Variants in NLGN1 observed in about 807,000 individuals in gnomAD.
The protein encoded by NLGN1 is neuroligin-1.
NLGN1 carries 12 observed loss-of-function variants against 65.5 expected under a neutral mutation model. The observed-to-expected ratio is 0.18, with a 90% CI of 0.12 to 0.30. NLGN1 has a LOEUF of 0.30. Among genes scored for constraint, NLGN1 ranks in the 10% least tolerant of loss-of-function variants. NLGN1 has a pLI of 1.00. For missense variants in NLGN1, 750 were observed against 1,007.1 expected, an observed-to-expected ratio of 0.74 and a Z score of 3.46; for synonymous variants, 350 against 359.5, an observed-to-expected ratio of 0.97 and a Z score of 0.30.
intron 4 of NLGN1, among the ~76,000 whole-genome samples, chr3:174,233,745 T>C (rs2152820724): frequency 6.6e-6 from 1 of 152,128 alleles, no homozygotes; most frequent in South Asian, 2.1e-4. Context: ...CTTTTTTGGG[T>C]CAAAGAATTG....
chr3:173,964,478 A>T (rs189627432), intron 4 of NLGN1, among the ~76,000 whole-genome samples: 269 of 152,288 alleles, frequency 1.8e-3, no homozygotes, highest in Non-Finnish European at 2.6e-3. Flanking sequence ...CTGATTTGTA[A>T]TTCAATGTTC....
At chr3:173,784,718 G>C (rs1260720746) in intron 3 of NLGN1, among the ~76,000 whole-genome samples, 1 of 151,562 alleles carries the variant, frequency 6.6e-6, no homozygotes, top group Non-Finnish European at 1.5e-5. Context: ...CAGGCACACA[G>C]AGGGATCACA....
intron 3 of NLGN1, among the ~76,000 whole-genome samples, chr3:173,667,788 C>A (rs2149718741): frequency 6.6e-6 from 1 of 152,188 alleles, no homozygotes; most frequent in African/African-American, 2.4e-5. Context: ...CACCACCACG[C>A]CTGGCTCACT....
chr3:173,568,956 C>T (rs879644002), intron 2 of NLGN1, among the ~76,000 whole-genome samples: 1 of 152,132 alleles, frequency 6.6e-6, no homozygotes, highest in Admixed American at 6.5e-5. Context: ...GGGATATAGG[C>T]GTGAATCACC....
At chr3:173,505,909 T>G (rs1731957216) in intron 2 of NLGN1, among the ~76,000 whole-genome samples, 1 of 152,134 alleles carries the variant, frequency 6.6e-6, no homozygotes, top group Non-Finnish European at 1.5e-5. Flanking sequence ...AATAATAATT[T>G]GCCTGTTACA....
chr3:174,102,025 A>T (rs1346469992), intron 4 of NLGN1, among the ~76,000 whole-genome samples: 1 of 152,206 alleles, frequency 6.6e-6, no homozygotes, highest in Non-Finnish European at 1.5e-5. Context: ...CCACATTTTC[A>T]TCAAATAATA....
At chr3:173,410,569 T>C (rs1348581382) in intron 1 of NLGN1, among the ~76,000 whole-genome samples, 2 of 152,178 alleles carry the variant, frequency 1.3e-5, no homozygotes, top group African/African-American at 4.8e-5. Context: ...GGATAAAGCA[T>C]TTAGAAATGG....
At chr3:174,273,147 T>C (rs975224323) in intron 4 of NLGN1, among the ~76,000 whole-genome samples, 3 of 151,682 alleles carry the variant, frequency 2.0e-5, no homozygotes, top group Admixed American at 6.6e-5. Context: ...ATGCTACACA[T>C]TGAATGATGA....
intron 3 of NLGN1, among the ~76,000 whole-genome samples, chr3:173,765,357 A>C (rs1778618876): frequency 6.6e-6 from 1 of 152,186 alleles, no homozygotes; most frequent in Admixed American, 6.5e-5. Context: ...CTGTTTCTGC[A>C]CTGTGGCCTA....
At chr3:173,923,875 A>G (rs1435298737) in intron 4 of NLGN1, among the ~76,000 whole-genome samples, 1 of 152,214 alleles carries the variant, frequency 6.6e-6, no homozygotes, top group Admixed American at 6.5e-5. Flanking sequence ...ATAGATATCT[A>G]CATGATTTTT....
At chr3:173,505,195 T>A (rs1046325707) in intron 2 of NLGN1, among the ~76,000 whole-genome samples, 1 of 152,068 alleles carries the variant, frequency 6.6e-6, no homozygotes, top group East Asian at 1.9e-4. Flanking sequence ...TTCATCTTCT[T>A]TATTAAGACA....
intron 4 of NLGN1, among the ~76,000 whole-genome samples, chr3:173,846,879 A>G (rs1230002878): frequency 6.6e-6 from 1 of 152,234 alleles, no homozygotes; most frequent in Admixed American, 6.5e-5. Context: ...TATTTCCTTT[A>G]ATTGCCATGT....
chr3:173,891,313 C>T (rs77440049), intron 4 of NLGN1, among the ~76,000 whole-genome samples: 1,722 of 152,192 alleles, frequency 0.011, 36 homozygotes, highest in African/African-American at 0.037. Flanking sequence ...GGATTATGGG[C>T]TGATAATCAT....
At chr3:173,934,825 A>G (rs1424295142) in intron 4 of NLGN1, among the ~76,000 whole-genome samples, 2 of 152,034 alleles carry the variant, frequency 1.3e-5, no homozygotes, top group African/African-American at 2.4e-5. Context: ...CACTATTTAA[A>G]TATCTGATGC....
intron 3 of NLGN1, among the ~76,000 whole-genome samples, chr3:173,794,846 G>A (rs1454066037): frequency 2.0e-5 from 3 of 152,006 alleles, no homozygotes; most frequent in Non-Finnish European, 4.4e-5. Flanking sequence ...AAAGTGTTAT[G>A]TAATCAAGGT....
chr3:174,272,646 TATGGATGGATGG>T (rs149767908), intron 4 of NLGN1, among the ~76,000 whole-genome samples: 4 of 145,310 alleles, frequency 2.8e-5, no homozygotes, highest in African/African-American at 1.0e-4. Context: ...CAGATGATGA[TATGGATGGATGG>T]ATGGATGGAT....
chr3:174,116,064 A>G (rs1716339096), intron 4 of NLGN1, among the ~76,000 whole-genome samples: 1 of 152,190 alleles, frequency 6.6e-6, no homozygotes, highest in African/African-American at 2.4e-5. Flanking sequence ...CAACAAGAAA[A>G]TTATTAACCA....
intron 2 of NLGN1, among the ~76,000 whole-genome samples, chr3:173,525,272 T>C (rs1672942498): frequency 6.6e-6 from 1 of 151,850 alleles, no homozygotes; most frequent in African/African-American, 2.4e-5. Flanking sequence ...TGGAAGATGT[T>C]TTATTACTGA....
chr3:173,672,828 A>T (rs1307381847), intron 3 of NLGN1, among the ~76,000 whole-genome samples: 2 of 152,210 alleles, frequency 1.3e-5, no homozygotes, highest in African/African-American at 4.8e-5. Flanking sequence ...CTTGCTGAAA[A>T]ATAGAGGTCA....
Sources: allele counts gnomAD v4.1 joint callset (sites outside exome capture counted in the v4.1 genomes callset), GRCh38; gene constraint gnomAD v4.1.1; transcripts MANE v1.5; gene names NCBI Gene and HGNC (gene_info 2026-07-23, HGNC 2026-07-21).